ABCC5: variants seen among roughly 807,000 people sequenced by gnomAD.
The protein encoded by ABCC5 is ATP-binding cassette sub-family C member 5.
In ABCC5, 61 loss-of-function variants were observed where a neutral mutation model predicts 160.9. The ratio of observed to expected loss-of-function variants is 0.38; its 90% CI spans 0.31 to 0.47. The LOEUF (loss-of-function observed/expected upper bound fraction) is 0.47. Ranked by LOEUF, ABCC5 falls within the 20% of genes least tolerant of loss-of-function variation. The pLI is 0.99. For synonymous variants in ABCC5, 666 were observed against 700.6 expected, an observed-to-expected ratio of 0.95 and a Z score of 0.78; for missense variants, 1,308 against 1,813.3, an observed-to-expected ratio of 0.72 and a Z score of 5.06.
intron 24 of ABCC5, among the ~76,000 whole-genome samples, chr3:183,943,398 G>T (rs897143197): frequency 2.0e-5 from 3 of 152,220 alleles, no homozygotes; most frequent in African/African-American, 7.2e-5. Context: ...CAATCCAGGA[G>T]ACACAGACTC....
At chr3:183,978,851 C>T (rs1718450342) in intron 8 of ABCC5, among the ~76,000 whole-genome samples, 200 bp from the exon 9 acceptor site, 1 of 152,162 alleles carries the variant, frequency 6.6e-6, no homozygotes, top group Non-Finnish European at 1.5e-5. Flanking sequence ...AGAAAGCAGT[C>T]ACTATGTATG....
chr3:183,959,936 G>C, intron 16 of ABCC5, 101 bp from the exon 17 acceptor site: 2 of 766,078 alleles, frequency 2.6e-6, no homozygotes, highest in South Asian at 4.0e-5. Flanking sequence ...TGCTATTACT[G>C]AAAAAAGATA....
intron 2 of ABCC5, among the ~76,000 whole-genome samples, chr3:184,000,123 C>T (rs1560049116): frequency 6.6e-6 from 1 of 151,916 alleles, no homozygotes; most frequent in Non-Finnish European, 1.5e-5. Context: ...CTCTGGGAGG[C>T]TCAAGCGGGC....
chr3:183,937,836 G>A (rs1258825084), intron 26 of ABCC5, 65 bp downstream of exon 26: 2 of 1,565,992 alleles, frequency 1.3e-6, no homozygotes, highest in Non-Finnish European at 1.7e-6. Flanking sequence ...CTAGCATCAT[G>A]TGGTCCCACA....
intron 17 of ABCC5, 67 bp downstream of exon 17, chr3:183,959,662 ATTAC>A (rs1716543693): frequency 1.7e-6 from 2 of 1,148,436 alleles, no homozygotes; most frequent in Non-Finnish European, 2.6e-6. Context: ...AACATCATGA[ATTAC>A]TTACTACACA....
intron 2 of ABCC5, chr3:184,001,022 G>A (rs975064352): frequency 3.3e-5 from 13 of 393,408 alleles, no homozygotes; most frequent in Non-Finnish European, 4.9e-5. Context: ...GGAGGCTGAG[G>A]TGGGAGGATG....
chr3:184,012,014 AACACAC>A (rs3031485), intron 2 of ABCC5, among the ~76,000 whole-genome samples: 178 of 145,482 alleles, frequency 1.2e-3, no homozygotes, highest in Middle Eastern at 3.5e-3. Flanking sequence ...CATAGAACAC[AACACAC>A]ACACACACAC....
intron 26 of ABCC5, among the ~76,000 whole-genome samples, chr3:183,931,334 T>TC (rs1223896133): frequency 6.6e-6 from 1 of 151,244 alleles, no homozygotes; most frequent in East Asian, 1.9e-4. Context: ...CTTTTTTTTT[T>TC]TTTTTTTTTT....
intron 25 of ABCC5, 128 bp downstream of exon 25, chr3:183,942,599 G>A (rs908088514): frequency 1.6e-5 from 19 of 1,223,186 alleles, no homozygotes; most frequent in Middle Eastern, 3.7e-4. Flanking sequence ...TAGAAAATTG[G>A]TTTCAGTAGG....
intron 18 of ABCC5, among the ~76,000 whole-genome samples, chr3:183,952,424 G>A (rs1261099369): frequency 6.6e-6 from 1 of 152,126 alleles, no homozygotes; most frequent in African/African-American, 2.4e-5. Context: ...TGGGATTACA[G>A]GCATGATCCA....
chr3:183,983,262 A>G (rs1560031689), intron 5 of ABCC5, among the ~76,000 whole-genome samples: 1 of 152,270 alleles, frequency 6.6e-6, no homozygotes, highest in Non-Finnish European at 1.5e-5. Context: ...CTAATGTAAC[A>G]TAAACCTATC....
At chr3:183,944,925 T>A (rs1714701162) in intron 24 of ABCC5, among the ~76,000 whole-genome samples, 1 of 152,216 alleles carries the variant, frequency 6.6e-6, no homozygotes, top group African/African-American at 2.4e-5. Context: ...AGAGGCCTGG[T>A]GGCAGATGAC....
At chr3:183,979,177 C>T (rs1356884797) in intron 8 of ABCC5, among the ~76,000 whole-genome samples, 5 of 152,006 alleles carry the variant, frequency 3.3e-5, no homozygotes, top group Admixed American at 3.3e-4. Context: ...AAACCCCGTC[C>T]CTGCTAAAAA....
intron 2 of ABCC5, among the ~76,000 whole-genome samples, chr3:184,008,474 C>G (rs1721420974): frequency 6.6e-6 from 1 of 152,212 alleles, no homozygotes; most frequent in Non-Finnish European, 1.5e-5. Flanking sequence ...GCTCAAAGAA[C>G]TAACAGCAAC....
At chr3:183,959,613 G>C (rs953230899) in intron 17 of ABCC5, 120 bp downstream of exon 17, 18 of 773,028 alleles carry the variant, frequency 2.3e-5, no homozygotes, top group Non-Finnish European at 3.7e-5. Context: ...TTCCAGAAAT[G>C]TAAGACCAAG....
In ABCC5 at chr3:184,002,398, C is replaced by CA. The variant is rs541060257; in HGVS notation, c.129+11865dup. Among the ~76,000 whole-genome samples, 275 of 105,550 alleles carry CA rather than the reference C, an allele frequency of 2.6e-3. 1 individual carries two copies. Among genetic ancestry groups the CA allele is most frequent in the South Asian group, 8.5e-3 (26 of 3,048 alleles). The allele number at this position is 105,550 out of a possible 152,430, so 69.2% of individuals were successfully genotyped here. A position where few individuals can be genotyped will look rare whatever the true frequency, so the allele number is the denominator to read the frequency against. On this transcript the variant is annotated intron_variant, in intron 2 of 29. Transcript: ENST00000334444. ...TGGGCAACAGAGCCAGACTCCGTCT[C>CA]AAAAAAAAAAAAAAGAGAAAAACAA...
chr3:183,982,698 T>A lies in ABCC5; in HGVS notation c.826-74A>T, dbSNP rs1435562388. On this transcript the variant is annotated intron_variant, in intron 6 of 29. Coordinates refer to ENST00000334444, the MANE Select transcript of ABCC5 (RefSeq NM_005688.4). The surrounding 1 kb of genome is among the most constrained non-coding windows in gnomAD (Gnocchi z 5.2). ...TTTGTCTCAGGAGGAAGATAAAGGA[T>A]AAGGCAGGGCCCTAGAGGAATGAAC... 1 of 1,607,926 alleles carries A rather than the reference T, an allele frequency of 6.2e-7. No individual in the cohort carries two copies. Among genetic ancestry groups the A allele is most frequent in the Non-Finnish European group, 8.5e-7 (1 of 1,175,126 alleles).
intron 29 of ABCC5, among the ~76,000 whole-genome samples, chr3:183,924,010 C>CTTTTTTT (rs200040197): frequency 1.7e-3 from 197 of 112,784 alleles, no homozygotes; most frequent in Middle Eastern, 4.6e-3. Context: ...TTACTGTTTG[C>CTTTTTTT]TTTTTTTTTT....
At position 183,947,500 on chromosome 3, in the gene ABCC5, G is replaced by A. The variant is rs774540587; in HGVS notation, c.3238C>T (p.Leu1080=). 7 of 1,596,704 alleles carry A rather than the reference G, an allele frequency of 4.4e-6. No homozygotes were observed. The highest frequency in any genetic ancestry group is 1.7e-5 in the Admixed American group (1 of 58,116). ...GQEFLHRYQE[L]LDDNQAPFFL... ...AAAGGAGCTTGGTTGTCATCCAGCA[G>A]CTCCTGGTATCTGTGAGAAAGACAA... Residue 1080 remains leucine, a synonymous_variant, in exon 23 of 30, where the codon CTG becomes TTG. Coordinates refer to ENST00000334444, the MANE Select transcript of ABCC5 (RefSeq NM_005688.4).
Sources: gnomAD v4.1 joint callset for allele counts (sites outside exome capture counted in the v4.1 genomes callset) on GRCh38, gnomAD v4.1.1 for gene constraint, Gnocchi (gnomAD v3.1) non-coding constraint, MANE v1.5 for transcripts, NCBI Gene and HGNC (gene_info 2026-07-23, HGNC 2026-07-21) for gene names.